Variants in HNRNPUL1 observed in about 807,000 individuals in gnomAD.
The protein encoded by HNRNPUL1 is heterogeneous nuclear ribonucleoprotein U like 1.
A neutral mutation model predicts 108.5 loss-of-function variants in HNRNPUL1; 14 were observed. The ratio of observed to expected loss-of-function variants is 0.13; its 90% confidence interval spans 0.09 to 0.20. The LOEUF is 0.20. Ranked by LOEUF, HNRNPUL1 falls within the 10% of genes least tolerant of loss-of-function variation. The pLI is 1.00. For synonymous variants in HNRNPUL1, 422 were observed against 445.2 expected (o/e 0.95, Z 0.66); for missense variants, 804 against 1,168.3 (o/e 0.69, Z 4.55).
upstream of HNRNPUL1, among the ~76,000 whole-genome samples, chr19:41,264,037 G>A (rs1220635209): frequency 6.6e-6 from 1 of 152,222 alleles, no homozygotes; most frequent in African/African-American, 2.4e-5. Context: ...AGGAAAGGCC[G>A]TGGGACACTC....
intron 7 of HNRNPUL1, among the ~76,000 whole-genome samples, chr19:41,291,618 A>G (rs1169843061): frequency 6.6e-6 from 1 of 152,022 alleles, no homozygotes; most frequent in Non-Finnish European, 1.5e-5. Context: ...TCAGGACAGG[A>G]CTGGACCACC....
intron 5 of HNRNPUL1, 126 bp from the exon 6 acceptor site, chr19:41,278,951 C>G: frequency 2.8e-6 from 2 of 726,602 alleles, no homozygotes; most frequent in Non-Finnish European, 4.8e-6. Context: ...GCTGCTTAAA[C>G]GCTTCTTCTC....
chr19:41,299,731 C>G (rs1344957532), intron 10 of HNRNPUL1, among the ~76,000 whole-genome samples: 2 of 152,128 alleles, frequency 1.3e-5, no homozygotes, highest in African/African-American at 4.8e-5. Context: ...GCGGGGATTT[C>G]AAGCCCAAGT....
At position 41,288,796 on chromosome 19, in the gene HNRNPUL1, TA is replaced by T. The variant is rs370753039; in HGVS notation, c.1000-3446del. 2.6e-3 allele frequency among the ~76,000 whole-genome samples: 392 copies of T among 152,306 alleles called. 4 individuals are homozygous for T. Among genetic ancestry groups the T allele is most frequent in the South Asian group, 9.9e-3 (48 of 4,834 alleles). ...TGTGAAAGTTGTTTCCTGGAACAGA[TA>T]AATGCGGCTTGTCTTTTTTCCATTT... On this transcript the variant is annotated intron_variant, in intron 7 of 14. Transcript: ENST00000392006.
At chr19:41,279,310 A>G (rs1362798078) in intron 6 of HNRNPUL1, 134 bp downstream of exon 6, 2 of 629,906 alleles carry the variant, frequency 3.2e-6, no homozygotes, top group Non-Finnish European at 5.6e-6. Flanking sequence ...AGGTACAAGG[A>G]TTAGGTATAT....
intron 4 of HNRNPUL1, among the ~76,000 whole-genome samples, 198 bp from the exon 5 acceptor site, chr19:41,275,961 G>C (rs1339601153): frequency 6.6e-6 from 1 of 152,142 alleles, no homozygotes; most frequent in Non-Finnish European, 1.5e-5. Flanking sequence ...AAATTAGTCA[G>C]GTGTGGTGGT....
intron 7 of HNRNPUL1, among the ~76,000 whole-genome samples, chr19:41,283,252 A>C (rs1372828532): frequency 6.6e-6 from 1 of 152,202 alleles, no homozygotes; most frequent in East Asian, 1.9e-4. Flanking sequence ...AAATGTAAAC[A>C]AACAGTACAG....
chr19:41,301,714 G>A lies in HNRNPUL1; in HGVS notation c.1687+10G>A, dbSNP rs1287521063. The stretch of plus-strand genomic sequence containing the variant: ...GTCTTAGAAATGAAAGGTAGGAAAT[G>A]AGTGCTTCCCAGAGGAACGTCAATG... On this transcript the variant is annotated intron_variant, in intron 11 of 14. Transcript: ENST00000392006. 1 of 1,608,350 alleles carries A rather than the reference G, an allele frequency of 6.2e-7. No homozygotes were observed. Among genetic ancestry groups the A allele is most frequent in the South Asian group, 1.1e-5 (1 of 90,294 alleles).
intron 5 of HNRNPUL1, among the ~76,000 whole-genome samples, chr19:41,277,951 G>A (rs1341427685): frequency 6.6e-6 from 1 of 150,410 alleles, no homozygotes; most frequent in South Asian, 2.1e-4. Flanking sequence ...AAGTCAGAAG[G>A]CTTTTTTTTT....
intron 10 of HNRNPUL1, among the ~76,000 whole-genome samples, 181 bp from the exon 11 acceptor site, chr19:41,301,355 A>G (rs1040069326): frequency 2.0e-5 from 3 of 152,212 alleles, no homozygotes; most frequent in African/African-American, 4.8e-5. Flanking sequence ...ACCTAAGTCA[A>G]TTCATTTGCT....
At position 41,281,284 on chromosome 19, in the gene HNRNPUL1, T is replaced by G. The variant is rs1384610635; in HGVS notation, c.999+9T>G. ...TGATTGGCTGCTTTGCGGTGAGTGC[T>G]AGCAGCCTGTGGGAGTTGGCAGAAC... On this transcript the variant is annotated intron_variant, in intron 7 of 14. Transcript: ENST00000392006. 6.3e-7 allele frequency: 1 copy of G among 1,584,232 alleles called. No homozygotes were observed. Among genetic ancestry groups the G allele is most frequent in the South Asian group, 1.1e-5 (1 of 90,456 alleles).
chr19:41,272,433 T>A, intron 3 of HNRNPUL1, 198 bp downstream of exon 3: 1 of 542,970 alleles, frequency 1.8e-6, no homozygotes, highest in Non-Finnish European at 3.2e-6. Context: ...AGTTCCTCCC[T>A]TCTTACCTGC....
intron 7 of HNRNPUL1, among the ~76,000 whole-genome samples, chr19:41,281,840 T>G (rs1226604412): frequency 6.6e-6 from 1 of 152,232 alleles, no homozygotes; most frequent in Non-Finnish European, 1.5e-5. Flanking sequence ...AGCTCTGGGC[T>G]GGACTCCCTG....
At chr19:41,279,419 G>C (rs933160971) in intron 6 of HNRNPUL1, among the ~76,000 whole-genome samples, 1 of 152,180 alleles carries the variant, frequency 6.6e-6, no homozygotes, top group Non-Finnish European at 1.5e-5. Context: ...TTTTAGGAGA[G>C]GGTCCAAAAT....
Position 41,264,875 on chromosome 19 carries a change from C to T in HNRNPUL1, c.295+77C>T, listed in dbSNP as rs1214057354. On this transcript the variant is annotated intron_variant, in intron 1 of 14. Transcript: ENST00000392006. ...AGGGCTGTGGGACGCGGGAGTCCAG[C>T]GCCTGAGGTCGGGGAGACGACCTGA... 3 of 1,340,764 alleles carry T rather than the reference C, an allele frequency of 2.2e-6. No homozygotes were observed. The African/African-American group carries it at 4.6e-5, about 21-fold the overall frequency. 83.1% of individuals were successfully genotyped at this position (1,340,764 alleles called of 1,614,324 possible).
At position 41,302,764 on chromosome 19, in the gene HNRNPUL1, A is replaced by G; in HGVS notation, c.1787A>G (p.Glu596Gly). Residue 596 changes from glutamate to glycine, a missense_variant, in exon 12 of 15, where the codon GAG (glutamate) becomes GGG (glycine). Glu to Gly is a moderately conservative substitution (Grantham distance 98, BLOSUM62 -2). This residue lies in a region of HNRNPUL1 where 294 missense variants were observed against 388.3 expected (regional missense o/e 0.76). Coordinates refer to ENST00000392006, the MANE Select transcript of HNRNPUL1 (RefSeq NM_007040.6). Reference sequence around the variant, plus strand: ...GACAAGCTAGTGAGGCAGTACAACGAGGAAGGCCGCAAGGCTGGGCCACCC... The same window carrying G: ...GACAAGCTAGTGAGGCAGTACAACGGGGAAGGCCGCAAGGCTGGGCCACCC... ...EADKLVRQYN[E>G]EGRKAGPPPE... The G allele has an allele frequency of 1.2e-6, 2 of 1,613,922 alleles. No homozygotes were observed. The highest frequency in any genetic ancestry group is 1.3e-5 in the African/African-American group (1 of 75,024).
chr19:41,305,594 G>C, intron 13 of HNRNPUL1, 82 bp from the exon 14 acceptor site: 3 of 1,564,458 alleles, frequency 1.9e-6, no homozygotes, highest in Non-Finnish European at 2.6e-6. Context: ...ACTTAAAAAG[G>C]CCCTTTTTCC....
upstream of HNRNPUL1, chr19:41,262,906 G>T (rs1403945511): frequency 6.6e-6 from 1 of 152,212 alleles, no homozygotes; most frequent in Non-Finnish European, 1.5e-5. Flanking sequence ...CGGGCATGGT[G>T]GCGGGGACCT....
chr19:41,303,843 T>C lies in HNRNPUL1; in HGVS notation c.1973-129T>C. ...CTAGAGAATCCCAGAGGACATGCTT[T>C]GTTGTTCACCTTGAGTTCTTGCTCT... On this transcript the variant is annotated intron_variant, in intron 12 of 14. Transcript: ENST00000392006. 4 of 1,135,116 alleles carry C rather than the reference T, an allele frequency of 3.5e-6. No individual in the cohort carries two copies. The East Asian group carries it at 9.5e-5, about 27-fold the overall frequency. 70.3% of individuals were successfully genotyped at this position (1,135,116 alleles called of 1,614,324 possible). A position where few individuals can be genotyped will look rare whatever the true frequency, so the allele number is the denominator to read the frequency against.
Sources: allele counts gnomAD v4.1 joint callset (sites outside exome capture counted in the v4.1 genomes callset), GRCh38; gene constraint gnomAD v4.1.1; regional missense constraint gnomAD v4.1.1; transcripts MANE v1.5; gene names NCBI Gene and HGNC (gene_info 2026-07-23, HGNC 2026-07-21).